ZMYND8: variants seen among roughly 807,000 people sequenced by gnomAD.
The protein encoded by ZMYND8 is MYND-type zinc finger-containing chromatin reader ZMYND8.
In ZMYND8, 37 loss-of-function variants were observed where a neutral mutation model predicts 140.8. That is an observed-to-expected ratio of 0.26 (90% CI 0.20 to 0.35). The LOEUF (loss-of-function observed/expected upper bound fraction) is 0.35, where lower values mean the gene tolerates loss of function less well. Ranked by LOEUF, ZMYND8 falls within the 10% of genes least tolerant of loss-of-function variation. The pLI is 1.00. For missense variants in ZMYND8, 1,068 were observed against 1,570.0 expected, an observed-to-expected ratio of 0.68 and a Z score of 5.40; for synonymous variants, 592 against 597.1, an observed-to-expected ratio of 0.99 and a Z score of 0.12.
intron 12 of ZMYND8, among the ~76,000 whole-genome samples, chr20:47,255,689 G>A (rs1467015392): frequency 2.3e-4 from 24 of 103,176 alleles, no homozygotes; most frequent in African/African-American, 7.0e-4. Flanking sequence ...GTGTGTGTGT[G>A]TATATATATA....
At chr20:47,290,937 T>C (rs1306276156) in intron 6 of ZMYND8, among the ~76,000 whole-genome samples, 1 of 152,198 alleles carries the variant, frequency 6.6e-6, no homozygotes, top group Non-Finnish European at 1.5e-5. Context: ...ATTAGTCATA[T>C]GGTCTCACAC....
At chr20:47,351,889 G>C (rs949935071) in intron 1 of ZMYND8, 13 of 985,224 alleles carry the variant, frequency 1.3e-5, no homozygotes, top group Non-Finnish European at 1.3e-5. Context: ...ACCAGAACTA[G>C]GAAAAGCTGA....
At chr20:47,232,785 T>C (rs991996035) in intron 16 of ZMYND8, among the ~76,000 whole-genome samples, 1 of 152,124 alleles carries the variant, frequency 6.6e-6, no homozygotes, top group Non-Finnish European at 1.5e-5. Context: ...AACGAAAAAA[T>C]TACCCGCTTT....
At chr20:47,253,614 G>A (rs2074366040) in intron 12 of ZMYND8, among the ~76,000 whole-genome samples, 1 of 151,444 alleles carries the variant, frequency 6.6e-6, no homozygotes, top group Non-Finnish European at 1.5e-5. Context: ...GAGAACCCCT[G>A]TATCAGACCA....
intron 2 of ZMYND8, among the ~76,000 whole-genome samples, chr20:47,318,071 C>G (rs907487072): frequency 6.6e-6 from 1 of 152,118 alleles, no homozygotes; most frequent in Non-Finnish European, 1.5e-5. Context: ...TACCGCCCCC[C>G]ACTCCAAAAA....
At position 47,230,885 on chromosome 20, in the gene ZMYND8, G is replaced by A. The variant is rs2038388681; in HGVS notation, c.2857-1079C>T. On this transcript the variant is annotated intron_variant, in intron 16 of 22. Transcript: ENST00000471951. ...CCCAGCGCCTGACAACCACTGATCT[G>A]CCTTCTGTCTCTCCACATTTGCTCA... Among the ~76,000 whole-genome samples the A allele has an allele frequency of 2.0e-5, 3 of 152,116 alleles. No individual in the cohort carries two copies. The South Asian group carries it at 6.2e-4, about 32-fold the overall frequency.
chr20:47,281,660 G>A (rs1407106040), intron 10 of ZMYND8, among the ~76,000 whole-genome samples: 4 of 152,120 alleles, frequency 2.6e-5, no homozygotes, highest in African/African-American at 9.7e-5. Context: ...CAGAGAAAAG[G>A]GAACAGGAGA....
intron 11 of ZMYND8, among the ~76,000 whole-genome samples, chr20:47,275,716 C>T (rs895705160): frequency 1.3e-5 from 2 of 152,114 alleles, no homozygotes; most frequent in African/African-American, 2.4e-5. Context: ...AATCCTCCCA[C>T]CTCAACTATA....
intron 14 of ZMYND8, among the ~76,000 whole-genome samples, chr20:47,244,425 T>C (rs955866463): frequency 2.0e-5 from 3 of 152,194 alleles, no homozygotes. Flanking sequence ...AACTCAAAAA[T>C]GTGCTGAATA....
intron 12 of ZMYND8, among the ~76,000 whole-genome samples, chr20:47,255,785 ATG>A (rs200775423): frequency 2.5e-5 from 3 of 119,662 alleles, no homozygotes; most frequent in South Asian, 2.7e-4. Context: ...ATATATTTGT[ATG>A]TGTATATATA....
chr20:47,212,723 T>C lies in ZMYND8; in HGVS notation c.3487A>G (p.Ser1163Gly). The change falls in exon 22 of 23, where the codon AGC becomes GGC. Residue 1163 changes from serine (S) to glycine (G), a missense_variant and splice_region_variant. This residue lies in a region of ZMYND8 where 180 missense variants were observed against 187.8 expected (regional missense o/e 0.96). Transcript: ENST00000471951. ...ILLGSNQGSV[S>G]KRCDKQPAYA... ...GCAGGTTGCTTGTCACACCTTTTGCTAACTGAAGAGATAGCACAGGTAGCC... is the reference window on the plus strand; with the variant it reads ...GCAGGTTGCTTGTCACACCTTTTGCCAACTGAAGAGATAGCACAGGTAGCC... 6.2e-7 allele frequency: 1 copy of C among 1,610,984 alleles called. No individual in the cohort carries two copies. The highest frequency in any genetic ancestry group is 1.7e-5 in the Admixed American group (1 of 59,780).
At chr20:47,263,796 G>A (rs1442940338) in intron 11 of ZMYND8, among the ~76,000 whole-genome samples, 1 of 152,202 alleles carries the variant, frequency 6.6e-6, no homozygotes, top group Non-Finnish European at 1.5e-5. Context: ...TCAGGCTGCC[G>A]TGAGGATTAA....
chr20:47,339,755 CGTGA>C (rs1488240423), intron 2 of ZMYND8, among the ~76,000 whole-genome samples: 3 of 152,132 alleles, frequency 2.0e-5, no homozygotes, highest in Non-Finnish European at 2.9e-5. Context: ...GGATCACAGG[CGTGA>C]GTGAGGCACC....
At chr20:47,328,014 G>A (rs2080594397) in intron 2 of ZMYND8, among the ~76,000 whole-genome samples, 3 of 151,970 alleles carry the variant, frequency 2.0e-5, no homozygotes, top group Admixed American at 2.0e-4. Flanking sequence ...GTCTCACTAT[G>A]TTGCCCAGGC....
intron 16 of ZMYND8, among the ~76,000 whole-genome samples, chr20:47,231,813 T>C (rs1208251126): frequency 6.6e-6 from 1 of 152,216 alleles, no homozygotes; most frequent in Non-Finnish European, 1.5e-5. Context: ...ACAAGAAAAC[T>C]TTAAAAAGTG....
chr20:47,344,659 CATT>C (rs2082189199), intron 2 of ZMYND8, among the ~76,000 whole-genome samples: 1 of 152,156 alleles, frequency 6.6e-6, no homozygotes, highest in Non-Finnish European at 1.5e-5. Flanking sequence ...AAAATTGATG[CATT>C]ATTTGTAACA....
intron 12 of ZMYND8, among the ~76,000 whole-genome samples, chr20:47,250,682 C>G (rs1192516121): frequency 6.6e-6 from 1 of 152,196 alleles, no homozygotes; most frequent in Non-Finnish European, 1.5e-5. Context: ...TTTCCTTTGG[C>G]CTGACCCAAC....
intron 21 of ZMYND8, among the ~76,000 whole-genome samples, chr20:47,214,255 C>T (rs147451095): frequency 1.3e-3 from 200 of 152,302 alleles, no homozygotes; most frequent in Non-Finnish European, 2.1e-3. Flanking sequence ...TTTGCTTTGA[C>T]GTGACCTGTC....
chr20:47,301,376 G>T (rs745508667), intron 3 of ZMYND8, among the ~76,000 whole-genome samples: 1 of 151,844 alleles, frequency 6.6e-6, no homozygotes, highest in African/African-American at 2.4e-5. Context: ...GGATGGTCTC[G>T]AACTCCTGAC....
Sources: gnomAD v4.1 joint callset for allele counts (sites outside exome capture counted in the v4.1 genomes callset) on GRCh38, gnomAD v4.1.1 for gene constraint, gnomAD v4.1.1 regional missense constraint, MANE v1.5 for transcripts, NCBI Gene and HGNC (gene_info 2026-07-23, HGNC 2026-07-21) for gene names.